The following RASGRF2 variants were observed in gnomAD, a reference collection of about 807,000 sequenced individuals.
RASGRF2 encodes the protein ras-specific guanine nucleotide-releasing factor 2.
A neutral mutation model predicts 151.0 loss-of-function variants in RASGRF2; 76 were observed. That is an observed-to-expected ratio of 0.50 (90% confidence interval 0.42 to 0.61). The LOEUF (loss-of-function observed/expected upper bound fraction) is 0.61, where lower values mean the gene tolerates loss of function less well. Ranked by LOEUF, RASGRF2 falls within the 20% of genes least tolerant of loss-of-function variation. RASGRF2 has a pLI of 0.00. For synonymous variants in RASGRF2, 504 were observed against 566.5 expected (o/e 0.89, Z 1.57); for missense variants, 1,148 against 1,564.6 (o/e 0.73, Z 4.49).
chr5:81,134,532 C>T (rs967859743), intron 17 of RASGRF2, among the ~76,000 whole-genome samples: 1 of 152,126 alleles, frequency 6.6e-6, no homozygotes, highest in Non-Finnish European at 1.5e-5. Flanking sequence ...AAAATAAATT[C>T]TCGGGCCACA....
chr5:81,202,748 A>G (rs928701118), intron 19 of RASGRF2, among the ~76,000 whole-genome samples: 4 of 152,222 alleles, frequency 2.6e-5, no homozygotes, highest in Non-Finnish European at 4.4e-5. Flanking sequence ...GTGTCCTTAT[A>G]AGAAGTCAAC....
chr5:81,047,878 A>T (rs1157528184), intron 2 of RASGRF2, among the ~76,000 whole-genome samples: 1 of 152,196 alleles, frequency 6.6e-6, no homozygotes, highest in Non-Finnish European at 1.5e-5. Context: ...CTCCCTTAAA[A>T]TACACACACA....
intron 15 of RASGRF2, among the ~76,000 whole-genome samples, chr5:81,116,808 C>T (rs867740734): frequency 1.2e-4 from 18 of 152,100 alleles, no homozygotes; most frequent in African/African-American, 3.9e-4. Flanking sequence ...TTTTGAATGG[C>T]TTAGTTTACT....
rs1361304140 is a variant in RASGRF2, at chr5:81,200,170, C to A, written c.2794-1160C>A. 2.0e-5 allele frequency among the ~76,000 whole-genome samples: 3 copies of A among 151,150 alleles called. No homozygotes were observed. The East Asian group carries it at 5.9e-4, about 30-fold the overall frequency. On this transcript the variant is annotated intron_variant, in intron 18 of 26. Coordinates refer to ENST00000265080, the MANE Select transcript of RASGRF2 (RefSeq NM_006909.3). ...CCTGTAGTCCCAGCTACTTGGGAGG[C>A]TGAGGTGGGGGACCCCCTTGAGCCC...
intron 1 of RASGRF2, among the ~76,000 whole-genome samples, chr5:81,001,619 T>C (rs2112290451): frequency 1.3e-5 from 2 of 152,334 alleles, no homozygotes; most frequent in African/African-American, 4.8e-5. Flanking sequence ...GGATATAATG[T>C]GAATGCTTGA....
intron 1 of RASGRF2, among the ~76,000 whole-genome samples, chr5:81,020,812 G>T: frequency 6.6e-6 from 1 of 152,298 alleles, no homozygotes; most frequent in Non-Finnish European, 1.5e-5. Context: ...AGAGAAGGGA[G>T]TTGACATTTG....
chr5:81,197,108 C>T (rs920198241), intron 18 of RASGRF2, among the ~76,000 whole-genome samples: 17 of 152,164 alleles, frequency 1.1e-4, no homozygotes, highest in South Asian at 6.2e-4. Flanking sequence ...TATGTTGCTC[C>T]TGGGCCCCAG....
intron 24 of RASGRF2, among the ~76,000 whole-genome samples, chr5:81,216,355 ACACACACACACACG>A (rs1332752984): frequency 5.4e-5 from 7 of 129,602 alleles, no homozygotes; most frequent in African/African-American, 2.1e-4. Flanking sequence ...TTCTACACAC[ACACACACACACACG>A]CACACACACA....
chr5:81,212,614 G>A, intron 23 of RASGRF2, 51 bp downstream of exon 23: 1 of 1,476,200 alleles, frequency 6.8e-7, no homozygotes. Flanking sequence ...GAGAGGCTGG[G>A]AGATGGGAGC....
chr5:81,177,732 G>A (rs545140360), intron 17 of RASGRF2, among the ~76,000 whole-genome samples: 1 of 152,030 alleles, frequency 6.6e-6, no homozygotes, highest in African/African-American at 2.4e-5. Context: ...ATATGTAATG[G>A]GGGCTTTGTC....
chr5:81,012,741 C>T (rs762274874), intron 1 of RASGRF2, among the ~76,000 whole-genome samples: 10 of 152,004 alleles, frequency 6.6e-5, no homozygotes, highest in South Asian at 2.1e-4. Context: ...CCTTTCTCAG[C>T]GAACACTTAT....
chr5:81,102,290 G>A (rs1444267193), intron 12 of RASGRF2, among the ~76,000 whole-genome samples: 1 of 152,186 alleles, frequency 6.6e-6, no homozygotes, highest in Admixed American at 6.5e-5. Context: ...CATTGAAAGG[G>A]TGTTCTCTTT....
At chr5:81,205,930 T>C (rs1755495583) in intron 19 of RASGRF2, among the ~76,000 whole-genome samples, 1 of 152,184 alleles carries the variant, frequency 6.6e-6, no homozygotes, top group Non-Finnish European at 1.5e-5. Context: ...TTTGTATTTT[T>C]AGTAGAGGCA....
chr5:81,045,986 T>C lies in RASGRF2; in HGVS notation c.395+3003T>C, dbSNP rs1750822942. On this transcript the variant is annotated intron_variant, in intron 2 of 26. Coordinates refer to ENST00000265080, the MANE Select transcript of RASGRF2 (RefSeq NM_006909.3). ...GGTTGGTTGACTTAACATTTCACCC[T>C]CGAAAGACAGTCTGATGGCATTAAT... is the stretch of plus-strand genomic sequence containing the variant. 2.6e-5 allele frequency among the ~76,000 whole-genome samples: 4 copies of C among 152,214 alleles called. No homozygotes were observed. The South Asian group carries it at 8.3e-4, about 32-fold the overall frequency.
At chr5:81,044,838 T>TC (rs1170716394) in intron 2 of RASGRF2, among the ~76,000 whole-genome samples, 2 of 152,174 alleles carry the variant, frequency 1.3e-5, no homozygotes, top group African/African-American at 4.8e-5. Context: ...TCTTTTCTTG[T>TC]TCTATTTTTT....
At chr5:81,114,820 C>T (rs1304354492) in intron 15 of RASGRF2, 1 of 152,186 alleles carries the variant, frequency 6.6e-6, no homozygotes, top group African/African-American at 2.4e-5. Flanking sequence ...ACCTCCATAC[C>T]CTCAGTGTCT....
At chr5:81,154,120 T>A (rs1246467808) in intron 17 of RASGRF2, among the ~76,000 whole-genome samples, 3 of 152,162 alleles carry the variant, frequency 2.0e-5, no homozygotes, top group Non-Finnish European at 4.4e-5. Context: ...AATTGTTAAC[T>A]TTAATACCCC....
rs1248138895 is a variant in RASGRF2 at position 81,123,624 on chromosome 5, C to A, written c.2471-18C>A. The A allele has an allele frequency of 6.2e-7, 1 of 1,603,126 alleles. No individual in the cohort carries two copies. The highest frequency in any genetic ancestry group is 1.1e-5 in the South Asian group (1 of 88,536). ...AATTCATGGCCTGGTTGTTAAAATT[C>A]ATGATGTTTTCAAGCAGCAGTCCTA... On this transcript the variant is annotated intron_variant, in intron 15 of 26. Transcript: ENST00000265080.
intron 1 of RASGRF2, among the ~76,000 whole-genome samples, chr5:81,003,381 C>T (rs1749150860): frequency 6.6e-6 from 1 of 152,138 alleles, no homozygotes; most frequent in South Asian, 2.1e-4. Context: ...CACCACCACG[C>T]CCACCTAATT....
Sources: allele counts gnomAD v4.1 joint callset (sites outside exome capture counted in the v4.1 genomes callset), GRCh38; gene constraint gnomAD v4.1.1; transcripts MANE v1.5; gene names NCBI Gene and HGNC (gene_info 2026-07-23, HGNC 2026-07-21).